The following LINGO2 variants were observed in gnomAD, a reference collection of about 807,000 sequenced individuals.
LINGO2 encodes the protein leucine rich repeat and Ig domain containing 2, also known as leucine-rich repeat and immunoglobulin-like domain-containing nogo receptor-interacting protein 2.
Under a neutral mutation model 30.6 loss-of-function variants are expected in LINGO2, and 14 were observed. The observed-to-expected ratio is 0.46, with a 90% CI of 0.30 to 0.72. LINGO2 has a LOEUF of 0.72. Ranked by LOEUF, LINGO2 falls within the 30% of genes least tolerant of loss-of-function variation. The probability of loss-of-function intolerance (pLI) is 0.07; values close to 1 mark genes in which losing one functional copy is unlikely to be tolerated. For missense variants in LINGO2, 729 were observed against 751.7 expected (o/e 0.97, Z 0.35); for synonymous variants, 317 against 288.5 (o/e 1.10, Z -1.00).
At chr9:28,770,618 A>C in the LINGO2 span, among the ~76,000 whole-genome samples, 1 of 152,184 alleles carries the variant, frequency 6.6e-6, no homozygotes, top group Non-Finnish European at 1.5e-5. Context: ...GTGCTGGGTT[A>C]AATCTAATAG....
chr9:28,541,617 AC>A (rs1821702872), intron 1 of LINGO2, among the ~76,000 whole-genome samples: 1 of 152,138 alleles, frequency 6.6e-6, no homozygotes, highest in Non-Finnish European at 1.5e-5. Context: ...ACAAACAAAA[AC>A]AAGTAATAGA....
At chr9:28,418,024 G>A (rs1229489469) in intron 2 of LINGO2, among the ~76,000 whole-genome samples, 1 of 152,080 alleles carries the variant, frequency 6.6e-6, no homozygotes, top group Non-Finnish European at 1.5e-5. Context: ...AAACTAAATT[G>A]AACCACAATT....
At chr9:28,838,722 C>T in the LINGO2 span, among the ~76,000 whole-genome samples, 57,297 of 152,168 alleles carry the variant, frequency 0.38, 12,723 homozygotes, top group Middle Eastern at 0.5. Flanking sequence ...ATCTCTGTGG[C>T]CAGTGGCGCC....
chr9:28,515,939 G>A (rs191319490), intron 1 of LINGO2, among the ~76,000 whole-genome samples: 85 of 152,176 alleles, frequency 5.6e-4, no homozygotes, highest in African/African-American at 1.9e-3. Context: ...AGAAATTGCC[G>A]CAGCCACCCC....
At chr9:28,640,414 G>A (rs1827514923) in intron 1 of LINGO2, among the ~76,000 whole-genome samples, 1 of 151,646 alleles carries the variant, frequency 6.6e-6, no homozygotes. Context: ...CCTGCAGAGT[G>A]TTTTCCAACT....
At chr9:28,208,491 C>T (rs1564044680) in intron 4 of LINGO2, among the ~76,000 whole-genome samples, 1 of 151,896 alleles carries the variant, frequency 6.6e-6, no homozygotes. Flanking sequence ...TTCTTGGGGG[C>T]AGGAGGTAAA....
At chr9:28,030,581 G>A (rs555120161) in intron 4 of LINGO2, among the ~76,000 whole-genome samples, 1 of 152,284 alleles carries the variant, frequency 6.6e-6, no homozygotes, top group Non-Finnish European at 1.5e-5. Flanking sequence ...GCTACTCAAT[G>A]CTTTAAGTAT....
chr9:28,526,878 A>G lies in LINGO2; in HGVS notation c.-364-50853T>C, dbSNP rs183096045. Among the ~76,000 whole-genome samples the G allele has an allele frequency of 3.8e-3, 581 of 152,328 alleles. 1 individual carries two copies. Among genetic ancestry groups the G allele is most frequent in the Non-Finnish European group, 5.4e-3 (370 of 68,038 alleles). The stretch of plus-strand genomic sequence containing the variant: ...ATTATGTATTATTCTAAGAGATTAT[A>G]GCAGCTTCCCTAAAAATTATAGGGA... On this transcript the variant is annotated intron_variant, in intron 1 of 5. Coordinates refer to ENST00000379992, the Ensembl canonical transcript of LINGO2.
At chr9:28,557,610 C>G (rs1449308760) in intron 1 of LINGO2, among the ~76,000 whole-genome samples, 1 of 151,756 alleles carries the variant, frequency 6.6e-6, no homozygotes, top group Admixed American at 6.6e-5. Context: ...GGATCTAGAA[C>G]TAGAAATACC....
At chr9:28,383,857 A>C (rs1821456899) in intron 2 of LINGO2, among the ~76,000 whole-genome samples, 1 of 151,988 alleles carries the variant, frequency 6.6e-6, no homozygotes, top group African/African-American at 2.4e-5. Flanking sequence ...TTGTATATGC[A>C]CTTTTTTCCA....
intron 4 of LINGO2, among the ~76,000 whole-genome samples, chr9:28,121,852 C>T (rs942987621): frequency 6.6e-6 from 1 of 152,124 alleles, no homozygotes; most frequent in African/African-American, 2.4e-5. Flanking sequence ...GACTTCAGAA[C>T]CGATGAATTA....
chr9:28,509,628 C>T (rs929250474), intron 1 of LINGO2, among the ~76,000 whole-genome samples: 1 of 152,098 alleles, frequency 6.6e-6, no homozygotes, highest in African/African-American at 2.4e-5. Context: ...AAAGGTTAAA[C>T]GAGGTCATAA....
chr9:28,647,204 C>T (rs931236252), intron 1 of LINGO2, among the ~76,000 whole-genome samples: 15 of 152,062 alleles, frequency 9.9e-5, no homozygotes, highest in African/African-American at 2.4e-4. Flanking sequence ...GATATGGGAA[C>T]GCTTGGTTGC....
At chr9:29,053,468 G>A in the LINGO2 span, among the ~76,000 whole-genome samples, 16 of 152,122 alleles carry the variant, frequency 1.1e-4, no homozygotes, top group Non-Finnish European at 2.4e-4. Flanking sequence ...GCTAAATGAC[G>A]AGTTAATGGG....
the LINGO2 span, among the ~76,000 whole-genome samples, chr9:29,139,131 A>G: frequency 6.6e-6 from 1 of 152,170 alleles, no homozygotes; most frequent in Non-Finnish European, 1.5e-5. Context: ...CCTCCAGCCA[A>G]CATCAAGAAA....
At chr9:28,300,752 T>C (rs1824109952) in intron 3 of LINGO2, among the ~76,000 whole-genome samples, 1 of 152,044 alleles carries the variant, frequency 6.6e-6, no homozygotes, top group Non-Finnish European at 1.5e-5. Context: ...CTATGCAATA[T>C]GCTAGGCTCA....
chr9:28,550,990 A>T (rs919420319), intron 1 of LINGO2, among the ~76,000 whole-genome samples: 1 of 151,884 alleles, frequency 6.6e-6, no homozygotes, highest in Non-Finnish European at 1.5e-5. Context: ...CAGCATGAAT[A>T]CAAATGAGAA....
At chr9:28,717,625 A>G in the LINGO2 span, among the ~76,000 whole-genome samples, 1 of 152,092 alleles carries the variant, frequency 6.6e-6, no homozygotes, top group African/African-American at 2.4e-5. Context: ...ATGAATTCAT[A>G]GACACATATA....
chr9:29,087,811 T>C, the LINGO2 span, among the ~76,000 whole-genome samples: 12 of 152,138 alleles, frequency 7.9e-5, no homozygotes, highest in Non-Finnish European at 1.6e-4. Flanking sequence ...TCTGGGTTTA[T>C]ATCCCAGCTC....
Sources: gnomAD v4.1 joint callset for allele counts (sites outside exome capture counted in the v4.1 genomes callset) on GRCh38, gnomAD v4.1.1 for gene constraint, MANE v1.5 for transcripts, NCBI Gene and HGNC (gene_info 2026-07-23, HGNC 2026-07-21) for gene names.